The following OR4F17 variants were observed in gnomAD, a reference collection of about 807,000 sequenced individuals.
OR4F17 encodes olfactory receptor family 4 subfamily F member 17.
For missense variants in OR4F17, 1 was observed against 323.6 expected, an observed-to-expected ratio of 0.00 and a Z score of 7.65; for synonymous variants, 1 against 120.7, an observed-to-expected ratio of 0.01 and a Z score of 6.50.
intron 2 of OR4F17, among the ~76,000 whole-genome samples, chr19:109,870 T>C (rs1968683072): frequency 6.6e-6 from 1 of 152,152 alleles, no homozygotes; most frequent in Non-Finnish European, 1.5e-5. Flanking sequence ...ACCCCTTTCC[T>C]GCTCACACAA....
At chr19:108,089 T>TTC (rs1968650294) in intron 2 of OR4F17, among the ~76,000 whole-genome samples, 1 of 124,664 alleles carries the variant, frequency 8.0e-6, no homozygotes, top group Non-Finnish European at 1.6e-5. Context: ...ATATATTTTA[T>TTC]TATATAATAT....
intron 2 of OR4F17, among the ~76,000 whole-genome samples, chr19:108,297 G>C (rs1365220909): frequency 4.3e-3 from 646 of 149,100 alleles, no homozygotes; most frequent in Admixed American, 9.0e-3. Context: ...CTTCATGGTT[G>C]CTACAATGAG....
At chr19:108,825 G>A (rs1486081079) in intron 2 of OR4F17, among the ~76,000 whole-genome samples, 4 of 152,298 alleles carry the variant, frequency 2.6e-5, no homozygotes, top group Non-Finnish European at 5.9e-5. Flanking sequence ...CTAAGCAGAA[G>A]AGAACTGAAG....
intron 2 of OR4F17, among the ~76,000 whole-genome samples, chr19:107,817 TA>T (rs1365884685): frequency 2.3e-3 from 280 of 121,792 alleles, no homozygotes; most frequent in South Asian, 8.4e-3. Flanking sequence ...ATATATTATA[TA>T]ATATATAATA....
intron 2 of OR4F17, among the ~76,000 whole-genome samples, 153 bp downstream of exon 2, chr19:107,708 C>G (rs979391974): frequency 6.8e-6 from 1 of 147,218 alleles, no homozygotes; most frequent in Non-Finnish European, 1.5e-5. Context: ...TGCCTACTCC[C>G]ATCTCAGTGA....
chr19:109,825 T>G (rs1310086087), intron 2 of OR4F17, among the ~76,000 whole-genome samples: 1 of 151,702 alleles, frequency 6.6e-6, no homozygotes, highest in African/African-American at 2.4e-5. Flanking sequence ...ACTACTTTAA[T>G]ACGTTGCTCG....
At chr19:108,846 T>C (rs1208118373) in intron 2 of OR4F17, among the ~76,000 whole-genome samples, 19 of 152,260 alleles carry the variant, frequency 1.2e-4, no homozygotes, top group Admixed American at 3.3e-4. Flanking sequence ...TGAATGTTCA[T>C]GATTTATTCC....
chr19:108,173 T>A (rs1298420235), intron 2 of OR4F17, among the ~76,000 whole-genome samples: 32 of 136,174 alleles, frequency 2.3e-4, no homozygotes, highest in African/African-American at 7.7e-4. Flanking sequence ...TAATATATAT[T>A]ATATAAATAT....
chr19:109,543 TA>T (rs1968678694), intron 2 of OR4F17, among the ~76,000 whole-genome samples: 1 of 123,052 alleles, frequency 8.1e-6, no homozygotes, highest in Non-Finnish European at 1.7e-5. Flanking sequence ...ACATTTTTTT[TA>T]TTTTCCACAT....
At chr19:110,156 C>A (rs796752726) in intron 2 of OR4F17, among the ~76,000 whole-genome samples, 2,102 of 145,868 alleles carry the variant, frequency 0.014, no homozygotes, top group South Asian at 0.025. Flanking sequence ...CTTTTGAATT[C>A]CCTATTCTTT....
chr19:108,175 TATAA>T (rs1386611002), intron 2 of OR4F17, among the ~76,000 whole-genome samples: 1 of 136,400 alleles, frequency 7.3e-6, no homozygotes, highest in East Asian at 2.2e-4. Context: ...ATATATATTA[TATAA>T]ATATATTTAT....
At chr19:108,056 A>ATATAT (rs1968648685) in intron 2 of OR4F17, among the ~76,000 whole-genome samples, 2 of 85,660 alleles carry the variant, frequency 2.3e-5, no homozygotes, top group African/African-American at 9.1e-5. Flanking sequence ...TTTTATTATA[A>ATATAT]AATATATATT....
intron 2 of OR4F17, among the ~76,000 whole-genome samples, chr19:107,889 T>TA (rs1968638170): frequency 3.8e-5 from 1 of 26,644 alleles, no homozygotes; most frequent in Admixed American, 7.2e-4. Context: ...TAATATATAT[T>TA]ATATAATATA....
At chr19:108,141 ATAT>A (rs1243783737) in intron 2 of OR4F17, among the ~76,000 whole-genome samples, 31 of 128,530 alleles carry the variant, frequency 2.4e-4, no homozygotes, top group Non-Finnish European at 3.0e-4. Flanking sequence ...TATATAACAT[ATAT>A]TATTATATAA....
intron 2 of OR4F17, among the ~76,000 whole-genome samples, chr19:110,141 C>A (rs1484459398): frequency 3.4e-5 from 5 of 148,916 alleles, no homozygotes; most frequent in African/African-American, 1.2e-4. Flanking sequence ...CTTTTTCTCA[C>A]TTCACTTTTG....
chr19:108,207 A>T (rs1351593384), intron 2 of OR4F17, among the ~76,000 whole-genome samples: 4 of 121,718 alleles, frequency 3.3e-5, no homozygotes, highest in African/African-American at 5.7e-5. Flanking sequence ...ATAAATATAT[A>T]TATTATATAT....
intron 2 of OR4F17, among the ~76,000 whole-genome samples, chr19:108,730 A>C (rs1968664928): frequency 6.6e-6 from 1 of 152,002 alleles, no homozygotes; most frequent in Non-Finnish European, 1.5e-5. Context: ...CAGTCCAACC[A>C]ACCAGTCAGG....
At chr19:109,946 C>A (rs1968684071) in intron 2 of OR4F17, among the ~76,000 whole-genome samples, 1 of 152,038 alleles carries the variant, frequency 6.6e-6, no homozygotes. Context: ...TTCCAAGCTC[C>A]CTCCCTTCCA....
intron 2 of OR4F17, among the ~76,000 whole-genome samples, chr19:107,892 AT>A (rs1386377411): frequency 8.3e-5 from 2 of 24,240 alleles, no homozygotes; most frequent in African/African-American, 3.8e-4. Flanking sequence ...TATATATTAT[AT>A]AATATAATAT....
Sources: allele counts gnomAD v4.1 joint callset (sites outside exome capture counted in the v4.1 genomes callset), GRCh38; gene constraint gnomAD v4.1.1; transcripts MANE v1.5; gene names NCBI Gene and HGNC (gene_info 2026-07-23, HGNC 2026-07-21).